DACH2: variants seen among roughly 807,000 people sequenced by gnomAD.
The protein encoded by DACH2 is dachshund homolog 2.
A neutral mutation model predicts 35.8 loss-of-function variants in DACH2; 17 were observed. The observed-to-expected ratio is 0.48, with a 90% CI of 0.33 to 0.71. The LOEUF (loss-of-function observed/expected upper bound fraction) is 0.71. Among genes scored for constraint, DACH2 ranks in the 30% least tolerant of loss-of-function variants. The pLI, the probability that DACH2 is intolerant of heterozygous loss-of-function variation, is 0.02. For synonymous variants in DACH2, 195 were observed against 177.3 expected (o/e 1.10, Z -0.79); for missense variants, 469 against 472.7 (o/e 0.99, Z 0.07).
intron 6 of DACH2, among the ~76,000 whole-genome samples, chrX:86,727,586 C>G (rs1268953567): frequency 3.6e-5 from 4 of 110,881 alleles, no homozygotes. Flanking sequence ...GTGGATCCCC[C>G]ATGAATGGCT....
chrX:86,161,080 G>T, intron 1 of DACH2: 2 of 1,077,397 alleles, frequency 1.9e-6, no homozygotes, highest in South Asian at 3.7e-5. Flanking sequence ...CCAGAAATTG[G>T]CACAAATGCT....
intron 1 of DACH2, among the ~76,000 whole-genome samples, chrX:86,150,245 G>A (rs1415858276): frequency 1.8e-5 from 2 of 112,116 alleles, no homozygotes; most frequent in Non-Finnish European, 3.8e-5. Context: ...CCATCACGTG[G>A]TTAAAAGGAG....
At chrX:86,734,324 A>G (rs1182259657) in intron 6 of DACH2, among the ~76,000 whole-genome samples, 1 of 110,645 alleles carries the variant, frequency 9.0e-6, no homozygotes, top group Non-Finnish European at 1.9e-5. Context: ...TATCTCCTCT[A>G]ATTCGGGATT....
chrX:86,404,400 G>C lies in DACH2; in HGVS notation c.527+27538G>C, dbSNP rs1015153605. On this transcript the variant is annotated intron_variant, in intron 2 of 11. Coordinates refer to ENST00000373125, the MANE Select transcript of DACH2 (RefSeq NM_053281.3). ...TTGGGTAAATAAACCCATTCCAAAT[G>C]GGAGGAATTGGCCAAAACAAAGAGC... 2.7e-4 allele frequency among the ~76,000 whole-genome samples: 30 copies of C among 111,935 alleles called. 1 individual carries two copies. The highest frequency in any genetic ancestry group is 8.8e-4 in the African/African-American group (27 of 30,725).
chrX:86,267,217 T>C (rs1254892991), intron 1 of DACH2, among the ~76,000 whole-genome samples: 1 of 111,887 alleles, frequency 8.9e-6, no homozygotes, highest in Non-Finnish European at 1.9e-5. Flanking sequence ...AAATATTCCT[T>C]AAGTGCTAGA....
chrX:86,821,799 A>C (rs2042515578), intron 11 of DACH2, among the ~76,000 whole-genome samples: 1 of 111,791 alleles, frequency 8.9e-6, no homozygotes, highest in South Asian at 3.7e-4. Context: ...ACAATCTCAT[A>C]TACAGATCAA....
intron 3 of DACH2, among the ~76,000 whole-genome samples, chrX:86,595,150 C>T (rs2039696423): frequency 9.0e-6 from 1 of 111,349 alleles, no homozygotes; most frequent in Non-Finnish European, 1.9e-5. Flanking sequence ...CAGGATCTCA[C>T]TCTGTTATCC....
At chrX:86,532,203 T>C (rs756669700) in intron 3 of DACH2, among the ~76,000 whole-genome samples, 1 of 112,151 alleles carries the variant, frequency 8.9e-6, no homozygotes, top group Admixed American at 9.4e-5. Flanking sequence ...GGACTTGGAC[T>C]TTAGAGTTAA....
intron 1 of DACH2, among the ~76,000 whole-genome samples, chrX:86,281,958 C>G (rs764521244): frequency 3.6e-5 from 4 of 111,609 alleles, no homozygotes; most frequent in Non-Finnish European, 7.5e-5. Flanking sequence ...TGTGAAGGAC[C>G]TCTTCAAAGA....
At chrX:86,769,286 G>A (rs1181985893) in intron 7 of DACH2, among the ~76,000 whole-genome samples, 3 of 111,906 alleles carry the variant, frequency 2.7e-5, no homozygotes, top group Admixed American at 9.5e-5. Context: ...AGAAATCGTG[G>A]ATGACACAAG....
chrX:86,724,922 G>T (rs1169372258), intron 6 of DACH2, among the ~76,000 whole-genome samples: 2 of 107,763 alleles, frequency 1.9e-5, no homozygotes, highest in East Asian at 5.9e-4. Flanking sequence ...CCAAAGACTG[G>T]TCTTCATGTT....
intron 7 of DACH2, among the ~76,000 whole-genome samples, chrX:86,811,917 ATAGAG>A (rs765064322): frequency 3.6e-5 from 4 of 111,898 alleles, no homozygotes; most frequent in East Asian, 5.6e-4. Flanking sequence ...ATAGCTCTTT[ATAGAG>A]TAATGAGAAT....
At chrX:86,302,184 TC>T (rs962649265) in intron 1 of DACH2, among the ~76,000 whole-genome samples, 6 of 111,596 alleles carry the variant, frequency 5.4e-5, no homozygotes, top group African/African-American at 1.9e-4. Flanking sequence ...ATCTTTGACT[TC>T]CTAACTTTGC....
chrX:86,609,980 C>A (rs2039908752), intron 3 of DACH2, among the ~76,000 whole-genome samples: 1 of 111,512 alleles, frequency 9.0e-6, no homozygotes, highest in African/African-American at 3.3e-5. Flanking sequence ...CCCATATTTA[C>A]TTAATGACCT....
chrX:86,235,471 A>T (rs1314782980), intron 1 of DACH2, among the ~76,000 whole-genome samples: 2 of 112,139 alleles, frequency 1.8e-5, no homozygotes, highest in Non-Finnish European at 3.8e-5. Flanking sequence ...TTTCAGAAAT[A>T]GCACATTTGC....
intron 1 of DACH2, among the ~76,000 whole-genome samples, chrX:86,177,621 T>C (rs139170148): frequency 0.05 from 5,599 of 111,276 alleles, 351 homozygotes; most frequent in African/African-American, 0.17. Context: ...ACCTGGCATC[T>C]TAATAGAGTA....
In DACH2 at chrX:86,769,634, A is replaced by T. The variant is rs191666143; in HGVS notation, c.1240+29752A>T. ...TATAATATTACTTTATACTTTTTTT[A>T]AATTCTAGGTGCATGTATCTGTAGT... On this transcript the variant is annotated intron_variant, in intron 7 of 11. Transcript: ENST00000373125. Among the ~76,000 whole-genome samples the T allele has an allele frequency of 1.7e-4, 19 of 111,852 alleles. No homozygotes were observed. The Admixed American group carries it at 1.7e-3, about 10-fold the overall frequency.
intron 3 of DACH2, among the ~76,000 whole-genome samples, chrX:86,574,520 A>G (rs1049119574): frequency 9.0e-6 from 1 of 111,501 alleles, no homozygotes; most frequent in Non-Finnish European, 1.9e-5. Flanking sequence ...ACATATTGCC[A>G]TTTTTGAGAT....
At chrX:86,283,251 G>A (rs749135832) in intron 1 of DACH2, among the ~76,000 whole-genome samples, 3 of 111,528 alleles carry the variant, frequency 2.7e-5, no homozygotes, top group Non-Finnish European at 3.8e-5. Flanking sequence ...AGAGGATGTG[G>A]AGAAATAGGG....
Sources: allele counts gnomAD v4.1 joint callset (sites outside exome capture counted in the v4.1 genomes callset), GRCh38; gene constraint gnomAD v4.1.1; transcripts MANE v1.5; gene names NCBI Gene and HGNC (gene_info 2026-07-23, HGNC 2026-07-21).